Variants in SLC4A10 observed in about 807,000 individuals in gnomAD.
SLC4A10 encodes the protein solute carrier family 4 member 10, also known as sodium-driven chloride bicarbonate exchanger.
In SLC4A10, 42 loss-of-function variants were observed where a neutral mutation model predicts 137.7. The ratio of observed to expected loss-of-function variants is 0.30; its 90% CI spans 0.24 to 0.39. The LOEUF (loss-of-function observed/expected upper bound fraction) is 0.39, where lower values mean the gene tolerates loss of function less well. SLC4A10 is among the 10% of genes least tolerant of loss of function. The probability of loss-of-function intolerance (pLI) is 1.00; values close to 1 mark genes in which losing one functional copy is unlikely to be tolerated. For synonymous variants in SLC4A10, 474 were observed against 464.1 expected, an observed-to-expected ratio of 1.02 and a Z score of -0.27; for missense variants, 925 against 1,355.0, an observed-to-expected ratio of 0.68 and a Z score of 4.98.
intron 1 of SLC4A10, among the ~76,000 whole-genome samples, chr2:161,637,379 T>G (rs1324345579): frequency 1.3e-5 from 2 of 151,902 alleles, no homozygotes; most frequent in Non-Finnish European, 2.9e-5. Context: ...TTTTGTATTT[T>G]TAGTAGAGAC....
At chr2:161,849,630 A>G (rs1451995585) in intron 4 of SLC4A10, among the ~76,000 whole-genome samples, 1 of 152,164 alleles carries the variant, frequency 6.6e-6, no homozygotes, top group African/African-American at 2.4e-5. Context: ...AATTTTATCA[A>G]AAGCCTTTTC....
chr2:161,659,230 AG>A (rs2037974100), intron 1 of SLC4A10, among the ~76,000 whole-genome samples: 1 of 152,264 alleles, frequency 6.6e-6, no homozygotes, highest in Admixed American at 6.5e-5. Flanking sequence ...GCCATAAAAA[AG>A]AATGAGGTCA....
intron 1 of SLC4A10, among the ~76,000 whole-genome samples, chr2:161,710,290 G>T (rs2044136471): frequency 6.6e-6 from 1 of 151,684 alleles, no homozygotes; most frequent in African/African-American, 2.4e-5. Context: ...GCATGTATTA[G>T]TCATTATGAG....
intron 4 of SLC4A10, among the ~76,000 whole-genome samples, chr2:161,842,674 T>C (rs1471947061): frequency 6.6e-6 from 1 of 152,154 alleles, no homozygotes; most frequent in African/African-American, 2.4e-5. Context: ...AGTTTTTATT[T>C]AACCTGGTAC....
chr2:161,694,054 C>T (rs1013331013), intron 1 of SLC4A10, among the ~76,000 whole-genome samples: 3 of 151,982 alleles, frequency 2.0e-5, no homozygotes, highest in African/African-American at 7.2e-5. Flanking sequence ...ACTGACTTTT[C>T]CAGATTACAG....
At chr2:161,695,905 A>G (rs1336963863) in intron 1 of SLC4A10, among the ~76,000 whole-genome samples, 2 of 151,978 alleles carry the variant, frequency 1.3e-5, no homozygotes, top group African/African-American at 2.4e-5. Context: ...TTATTTATTC[A>G]TTTTTCTTTT....
intron 5 of SLC4A10, among the ~76,000 whole-genome samples, chr2:161,859,667 C>A (rs1480775289): frequency 8.1e-6 from 1 of 123,496 alleles, no homozygotes; most frequent in Non-Finnish European, 1.6e-5. Context: ...GTGGCGCAAT[C>A]TCGGCTCACT....
At chr2:161,780,735 T>A (rs775613005) in intron 2 of SLC4A10, among the ~76,000 whole-genome samples, 14 of 152,048 alleles carry the variant, frequency 9.2e-5, no homozygotes, top group Non-Finnish European at 1.9e-4. Context: ...CTTTATTGCA[T>A]GTAAAGTAAT....
intron 11 of SLC4A10, among the ~76,000 whole-genome samples, chr2:161,897,954 T>A (rs755691923): frequency 3.9e-5 from 6 of 152,262 alleles, no homozygotes; most frequent in Non-Finnish European, 8.8e-5. Context: ...TGAACAATAA[T>A]GTTTTTGAGG....
rs1289717040 is a variant in SLC4A10 at position 161,624,522 on chromosome 2, G to A, written c.4G>A (p.Glu2Lys). 6.4e-7 allele frequency: 1 copy of A among 1,553,822 alleles called. No homozygotes were observed. Among genetic ancestry groups the A allele is most frequent in the Non-Finnish European group, 8.7e-7 (1 of 1,148,276 alleles). The stretch of plus-strand genomic sequence containing the variant: ...TATTCCAGAGGCGTTACAAAACATG[G>A]AGATTAAAGACCAGGGAGCCCAAAT... M[E>K]IKDQGAQMEP... The change falls in exon 1 of 27, where the codon GAG (glutamate) becomes AAG (lysine). Residue 2 changes from glutamate (E) to lysine (K), a missense_variant. Coordinates refer to ENST00000446997, the MANE Select transcript of SLC4A10 (RefSeq NM_001178015.2).
intron 18 of SLC4A10, among the ~76,000 whole-genome samples, chr2:161,950,380 A>G: frequency 6.6e-6 from 1 of 152,114 alleles, no homozygotes; most frequent in East Asian, 1.9e-4. Flanking sequence ...CAAGTCTGTC[A>G]GAGTTTAAAT....
intron 4 of SLC4A10, among the ~76,000 whole-genome samples, chr2:161,853,605 G>A (rs1228714801): frequency 3.9e-5 from 6 of 152,166 alleles, no homozygotes; most frequent in Non-Finnish European, 7.4e-5. Context: ...TTATGGCCCT[G>A]TTTAGGACTG....
intron 1 of SLC4A10, among the ~76,000 whole-genome samples, chr2:161,736,646 G>A: frequency 6.6e-6 from 1 of 152,168 alleles, no homozygotes; most frequent in African/African-American, 2.4e-5. Context: ...AGAAAAGAAT[G>A]GGGGTAACCT....
chr2:161,964,988 G>C (rs1264023237), intron 22 of SLC4A10, 63 bp from the exon 23 acceptor site: 3 of 1,490,648 alleles, frequency 2.0e-6, no homozygotes, highest in Non-Finnish European at 2.7e-6. Context: ...AACCATACAG[G>C]CAAATCTACA....
chr2:161,696,200 A>G (rs1043577684), intron 1 of SLC4A10, among the ~76,000 whole-genome samples: 2 of 151,774 alleles, frequency 1.3e-5, no homozygotes, highest in African/African-American at 4.8e-5. Context: ...GCTGAGAATG[A>G]TGGTTTCCAG....
At position 161,784,968 on chromosome 2, in the gene SLC4A10, T is replaced by A. The variant is rs562794646; in HGVS notation, c.130+13914T>A. 2.5e-4 allele frequency among the ~76,000 whole-genome samples: 38 copies of A among 151,256 alleles called. 2 individuals carry two copies. In the South Asian group the frequency reaches 5.4e-3, roughly 22 times the overall value. On this transcript the variant is annotated intron_variant, in intron 2 of 26. Coordinates refer to ENST00000446997, the MANE Select transcript of SLC4A10 (RefSeq NM_001178015.2). ...AAATCAATGAAATTGGGTTTTTTTT[T>A]AAAAGATAAAATTGACAAACCTTTG...
chr2:161,833,456 C>T (rs893876535), intron 3 of SLC4A10, among the ~76,000 whole-genome samples: 1 of 152,154 alleles, frequency 6.6e-6, no homozygotes. Context: ...ATATAAGTGA[C>T]CCCCTGGAGA....
At chr2:161,671,237 G>T (rs2039682852) in intron 1 of SLC4A10, among the ~76,000 whole-genome samples, 2 of 152,022 alleles carry the variant, frequency 1.3e-5, no homozygotes, top group African/African-American at 4.8e-5. Flanking sequence ...ACCATATGAG[G>T]ACAACTTCAT....
intron 1 of SLC4A10, among the ~76,000 whole-genome samples, chr2:161,686,952 G>A (rs555053179): frequency 1.3e-5 from 2 of 149,388 alleles, no homozygotes; most frequent in South Asian, 4.2e-4. Flanking sequence ...GTGTGATCTC[G>A]GCTCACTGCA....
Sources: gnomAD v4.1 joint callset for allele counts (sites outside exome capture counted in the v4.1 genomes callset) on GRCh38, gnomAD v4.1.1 for gene constraint, MANE v1.5 for transcripts, NCBI Gene and HGNC (gene_info 2026-07-23, HGNC 2026-07-21) for gene names.